PWWP2A: variants seen among roughly 807,000 people sequenced by gnomAD.
The protein encoded by PWWP2A is PWWP domain-containing protein 2A.
Under a neutral mutation model 48.5 loss-of-function variants are expected in PWWP2A, and 18 were observed. The observed-to-expected ratio is 0.37, with a 90% CI of 0.26 to 0.55. The LOEUF is 0.55. Ranked by LOEUF, PWWP2A falls within the 20% of genes least tolerant of loss-of-function variation. PWWP2A has a pLI of 0.81. For missense variants in PWWP2A, 867 were observed against 976.4 expected (o/e 0.89, Z 1.49); for synonymous variants, 396 against 387.7 (o/e 1.02, Z -0.25).
the PWWP2A span, chr5:160,051,009 A>G: frequency 8.4e-6 from 6 of 714,806 alleles, no homozygotes; most frequent in Non-Finnish European, 1.3e-5. Flanking sequence ...GATCATAGAC[A>G]TACTTAACTT....
Position 160,118,825 on chromosome 5 carries a change from G to A in PWWP2A, c.564C>T (p.Val188=), listed in dbSNP as rs1176292633. Reference sequence around the variant, plus strand: ...GGTACCTTTTGGACAGATCCATGAGGACCCCGGAGAAGAGCTTCTCCCCGA... The same window carrying A: ...GGTACCTTTTGGACAGATCCATGAGAACCCCGGAGAAGAGCTTCTCCCCGA... ...FRFGEKLFSG[V]LMDLSKRFGP... The change falls in exon 1 of 2, where the codon GTC becomes GTT. Residue 188 remains valine, a synonymous_variant. Transcript: ENST00000307063. The A allele has an allele frequency of 6.4e-7, 1 of 1,558,850 alleles. No homozygotes were observed. Among genetic ancestry groups the A allele is most frequent in the South Asian group, 1.2e-5 (1 of 84,744 alleles).
At chr5:160,074,171 G>T (rs1753811433), downstream of PWWP2A, among the ~76,000 whole-genome samples, 1 of 152,144 alleles carries the variant, frequency 6.6e-6, no homozygotes, top group South Asian at 2.1e-4. Flanking sequence ...CCAGGCAGTG[G>T]CTCACACCTG....
the PWWP2A span, among the ~76,000 whole-genome samples, chr5:160,054,983 C>T: frequency 6.6e-6 from 1 of 152,192 alleles, no homozygotes; most frequent in Non-Finnish European, 1.5e-5. Flanking sequence ...CCTCAGGAGT[C>T]CCTTGAGAAG....
intron 1 of PWWP2A, among the ~76,000 whole-genome samples, chr5:160,109,811 A>T (rs1410828930): frequency 3.9e-4 from 49 of 125,244 alleles, no homozygotes; most frequent in African/African-American, 1.4e-3. Context: ...ATATATATAA[A>T]ATAATATAAT....
chr5:160,047,772 C>T, the PWWP2A span, among the ~76,000 whole-genome samples: 5 of 152,332 alleles, frequency 3.3e-5, no homozygotes, highest in African/African-American at 1.2e-4. Flanking sequence ...CTGGCACGCT[C>T]CTCCTTAGCC....
downstream of PWWP2A, chr5:160,089,657 G>T: frequency 7.8e-7 from 1 of 1,285,150 alleles, no homozygotes; most frequent in African/African-American, 1.5e-5. Flanking sequence ...ACATTTCTGA[G>T]AATTTCCAGA....
rs1758491938 is a variant in PWWP2A, at chr5:160,119,376, C to T, written c.13G>A (p.Ala5Thr). 3 of 1,368,838 alleles carry T rather than the reference C, an allele frequency of 2.2e-6. No individual in the cohort carries two copies. The highest frequency in any genetic ancestry group is 2.8e-6 in the Non-Finnish European group (3 of 1,068,556). 84.8% of individuals were successfully genotyped at this position (1,368,838 alleles called of 1,614,324 possible). A position where few individuals can be genotyped will look rare whatever the true frequency, so the allele number is the denominator to read the frequency against. The change falls in exon 1 of 2, where the codon GCT becomes ACT. Residue 5 changes from alanine to threonine, a missense_variant. By Grantham distance (58) the Ala-to-Thr change is moderately conservative. Coordinates refer to ENST00000307063, the MANE Select transcript of PWWP2A (RefSeq NM_001130864.2). MAAV[A>T]AEAAATAASP... ...GCTGCAGTCGCTGCCGCCTCTGCAGCCACGGCCGCCATTTTCTTCCTAGCT... is the reference window on the plus strand; with the variant it reads ...GCTGCAGTCGCTGCCGCCTCTGCAGTCACGGCCGCCATTTTCTTCCTAGCT...
the PWWP2A span, chr5:160,049,542 G>A: frequency 6.3e-7 from 1 of 1,587,634 alleles, no homozygotes; most frequent in Non-Finnish European, 8.5e-7. Flanking sequence ...GCTATATCAG[G>A]GCAATATTGA....
At chr5:160,082,911 A>T (rs139513262) in intron 2 of PWWP2A, among the ~76,000 whole-genome samples, 1 of 152,302 alleles carries the variant, frequency 6.6e-6, no homozygotes, top group East Asian at 1.9e-4. Context: ...GAAGCAGCAG[A>T]ACTGTAATGG....
downstream of PWWP2A, among the ~76,000 whole-genome samples, chr5:160,087,827 C>A (rs1434937105): frequency 3.9e-5 from 6 of 152,154 alleles, no homozygotes; most frequent in African/African-American, 1.4e-4. Flanking sequence ...CTGTTTGGAT[C>A]TATAAACGTT....
intron 2 of PWWP2A, among the ~76,000 whole-genome samples, chr5:160,067,073 A>G: frequency 6.6e-6 from 1 of 152,250 alleles, no homozygotes; most frequent in African/African-American, 2.4e-5. Context: ...TACAATTTTT[A>G]TGGAAAAATC....
chr5:160,087,576 T>C (rs1754737906), downstream of PWWP2A, among the ~76,000 whole-genome samples: 2 of 152,148 alleles, frequency 1.3e-5, no homozygotes, highest in African/African-American at 4.8e-5. Context: ...GCAAGTGCCA[T>C]CCTAATTTAA....
chr5:160,089,826 T>G (rs1252011256), downstream of PWWP2A: 13 of 985,428 alleles, frequency 1.3e-5, no homozygotes, highest in Non-Finnish European at 1.4e-5. Context: ...GTTATCTCCA[T>G]ATCAAGAATA....
At chr5:160,075,358 G>GA (rs201458780), downstream of PWWP2A, among the ~76,000 whole-genome samples, 285 of 150,932 alleles carry the variant, frequency 1.9e-3, 3 homozygotes, top group Middle Eastern at 0.02. Flanking sequence ...TTCTTGAACA[G>GA]AAAAAAAAAG....
downstream of PWWP2A, among the ~76,000 whole-genome samples, chr5:160,057,771 C>CGT (rs140239164): frequency 4.9e-4 from 74 of 150,680 alleles, no homozygotes; most frequent in South Asian, 1.1e-3. The surrounding 1 kb of genome is among the most constrained non-coding windows in gnomAD (Gnocchi z 4.4). Context: ...GGGGTTTGTG[C>CGT]GTGTGTGTGT....
rs894798494 is a variant in PWWP2A at position 160,119,248 on chromosome 5, C to T, written c.141G>A (p.Ala47=). 1.1e-4 allele frequency: 163 copies of T among 1,418,060 alleles called. No homozygotes were observed. Among genetic ancestry groups the T allele is most frequent in the Non-Finnish European group, 1.4e-4 (157 of 1,097,570 alleles). The allele number at this position is 1,418,060 out of a possible 1,614,324, so 87.8% of individuals were successfully genotyped here. A position where few individuals can be genotyped will look rare whatever the true frequency, so the allele number is the denominator to read the frequency against. The part of the protein sequence containing the change: ...TDPLPVTATE[A]SVPDGETDGQ... The stretch of plus-strand genomic sequence containing the variant: ...CGTCAGTCTCGCCATCCGGCACAGA[C>T]GCTTCAGTGGCCGTGACCGGGAGGG... The change falls in exon 1 of 2, where the codon GCG becomes GCA. Residue 47 remains alanine, a synonymous_variant. Coordinates refer to ENST00000307063, the MANE Select transcript of PWWP2A (RefSeq NM_001130864.2).
chr5:160,112,939 C>T (rs1757739019), intron 1 of PWWP2A, among the ~76,000 whole-genome samples: 1 of 152,130 alleles, frequency 6.6e-6, no homozygotes, highest in Admixed American at 6.5e-5. Context: ...GGAGGATTAC[C>T]TGAGGTCAGG....
At chr5:160,104,122 CAAAA>C (rs70990703) in intron 1 of PWWP2A, among the ~76,000 whole-genome samples, 4 of 61,758 alleles carry the variant, frequency 6.5e-5, no homozygotes, top group East Asian at 5.5e-4. Flanking sequence ...GACTCTGTCT[CAAAA>C]AAAAAAAAAA....
At chr5:160,090,480 A>T, downstream of PWWP2A, 1 of 940,106 alleles carries the variant, frequency 1.1e-6, no homozygotes, top group Admixed American at 6.2e-5. Context: ...ATTTCAAAGA[A>T]TTTTTTTTTT....
Sources: allele counts gnomAD v4.1 joint callset (sites outside exome capture counted in the v4.1 genomes callset), GRCh38; gene constraint gnomAD v4.1.1; non-coding constraint Gnocchi (gnomAD v3.1); transcripts MANE v1.5; gene names NCBI Gene and HGNC (gene_info 2026-07-23, HGNC 2026-07-21).